Variants in IL3RA observed in about 807,000 individuals in gnomAD.
IL3RA encodes interleukin 3 receptor subunit alpha.
A neutral mutation model predicts 52.3 loss-of-function variants in IL3RA; 73 were observed. The ratio of observed to expected loss-of-function variants is 1.40; its 90% CI spans 1.16 to 1.70. The LOEUF is 1.70. IL3RA is among the 40% of genes most tolerant of loss of function. The pLI is 0.00. For synonymous variants in IL3RA, 260 were observed against 194.0 expected (o/e 1.34, Z -2.83); for missense variants, 664 against 504.4 (o/e 1.32, Z -3.03).
chrX:1,342,810 C>T (rs144745502), intron 2 of IL3RA, among the ~76,000 whole-genome samples: 3,902 of 148,276 alleles, frequency 0.026, 62 homozygotes, highest in Middle Eastern at 0.062. Context: ...CCGCCTGCCT[C>T]GGGGTTGGGA....
At chrX:1,368,670 TGAG>T (rs2088378836) in intron 9 of IL3RA, among the ~76,000 whole-genome samples, 1 of 151,406 alleles carries the variant, frequency 6.6e-6, no homozygotes, top group Non-Finnish European at 1.5e-5. Flanking sequence ...GAAGAGGAGA[TGAG>T]GACACAGACA....
intron 9 of IL3RA, among the ~76,000 whole-genome samples, chrX:1,367,359 G>C (rs867554492): frequency 6.7e-5 from 2 of 29,808 alleles, no homozygotes; most frequent in Admixed American, 3.5e-4. Flanking sequence ...CCGGGTGAGC[G>C]GGGTGCGCGG....
chrX:1,341,934 T>TTGTG, intron 2 of IL3RA, 105 bp downstream of exon 2: 2 of 1,235,104 alleles, frequency 1.6e-6, no homozygotes, highest in Non-Finnish European at 2.4e-6. Flanking sequence ...CATGCTGAGC[T>TTGTG]CATGGCAGAG....
rs1219695068 is a variant in IL3RA, at chrX:1,370,300, C to A, written c.874+5048C>A. ...GACTAAGCCATCTCATAAGAAGAGACGAGGACACAGACACACACAGAGGGA... is the reference window on the plus strand; with the variant it reads ...GACTAAGCCATCTCATAAGAAGAGAAGAGGACACAGACACACACAGAGGGA... On this transcript the variant is annotated intron_variant, in intron 9 of 11. Coordinates refer to ENST00000331035, the MANE Select transcript of IL3RA (RefSeq NM_002183.4). Among the ~76,000 whole-genome samples the A allele has an allele frequency of 2.4e-4, 2 of 8,392 alleles. 1 individual carries two copies. Among genetic ancestry groups the A allele is most frequent in the Admixed American group, 3.5e-3 (2 of 576 alleles). The allele number at this position is 8,392 out of a possible 152,430, so 5.5% of individuals were successfully genotyped here.
chrX:1,344,378 G>T (rs2085633966), intron 2 of IL3RA, among the ~76,000 whole-genome samples: 1 of 151,974 alleles, frequency 6.6e-6, no homozygotes, highest in African/African-American at 2.4e-5. Flanking sequence ...AGGTTGTAGT[G>T]AGCCGAGATC....
At chrX:1,364,706 G>A (rs2087771959) in intron 8 of IL3RA, among the ~76,000 whole-genome samples, 1 of 151,476 alleles carries the variant, frequency 6.6e-6, no homozygotes, top group Admixed American at 6.6e-5. Flanking sequence ...TCAAACTCCT[G>A]GGCTTAAGGA....
chrX:1,347,974 C>T (rs1262076349), intron 3 of IL3RA, among the ~76,000 whole-genome samples: 5 of 146,714 alleles, frequency 3.4e-5, no homozygotes, highest in Admixed American at 6.9e-5. Context: ...GAGGGAGAGG[C>T]TACAGTGAGC....
intron 4 of IL3RA, among the ~76,000 whole-genome samples, chrX:1,349,034 G>GTC (rs2085955955): frequency 6.9e-6 from 1 of 145,184 alleles, no homozygotes; most frequent in African/African-American, 2.6e-5. Flanking sequence ...TCCTGACACG[G>GTC]TCTTGCTCTG....
chrX:1,356,088 TG>T, intron 6 of IL3RA, 132 bp from the exon 7 acceptor site: 3 of 651,858 alleles, frequency 4.6e-6, no homozygotes. Context: ...TCTTCCTTCC[TG>T]GTGTTTTTCT....
chrX:1,361,269 CTCTG>C (rs200257400), intron 8 of IL3RA, among the ~76,000 whole-genome samples: 9,683 of 146,902 alleles, frequency 0.066, 1,493 homozygotes, highest in African/African-American at 0.25. Context: ...CTTTCTCTGC[CTCTG>C]TCTGTCTGTC....
intron 4 of IL3RA, among the ~76,000 whole-genome samples, chrX:1,351,325 TAG>T (rs1177759542): frequency 4.4e-5 from 5 of 114,756 alleles, no homozygotes; most frequent in Non-Finnish European, 9.1e-5. Flanking sequence ...AAAAAGGAAT[TAG>T]AGTTTTATTT....
chrX:1,344,964 C>T (rs1412510252), intron 2 of IL3RA, among the ~76,000 whole-genome samples: 7 of 147,842 alleles, frequency 4.7e-5, no homozygotes, highest in Non-Finnish European at 8.9e-5. Flanking sequence ...AGATCGAGAC[C>T]ATCCTGGCTA....
intron 3 of IL3RA, among the ~76,000 whole-genome samples, chrX:1,347,944 G>A (rs2085832004): frequency 6.6e-6 from 1 of 151,398 alleles, no homozygotes; most frequent in Non-Finnish European, 1.5e-5. Context: ...GGATGAGGCA[G>A]GAGAATGGCA....
At chrX:1,363,949 G>C (rs183291698) in intron 8 of IL3RA, among the ~76,000 whole-genome samples, 1 of 151,848 alleles carries the variant, frequency 6.6e-6, no homozygotes, top group Non-Finnish European at 1.5e-5. Flanking sequence ...TTGGGAGGCC[G>C]AGGCGGGTGG....
At chrX:1,357,868 C>T (rs1341529872) in intron 7 of IL3RA, among the ~76,000 whole-genome samples, 17 of 149,174 alleles carry the variant, frequency 1.1e-4, no homozygotes, top group Middle Eastern at 7.0e-3. Flanking sequence ...TTTGGGAGGC[C>T]GAGGCAGGAC....
At chrX:1,345,491 G>C (rs2085702355) in intron 3 of IL3RA, 57 bp downstream of exon 3, 1 of 1,203,388 alleles carries the variant, frequency 8.3e-7, no homozygotes, top group Non-Finnish European at 1.1e-6. Context: ...ATGTATTTAT[G>C]TATTTATTTA....
chrX:1,376,663 C>T (rs1454279369), intron 9 of IL3RA, among the ~76,000 whole-genome samples: 1 of 149,678 alleles, frequency 6.7e-6, no homozygotes, highest in Admixed American at 6.6e-5. Context: ...CGTCTCCAAG[C>T]CCAGGAGAGA....
intron 4 of IL3RA, among the ~76,000 whole-genome samples, chrX:1,350,079 T>C (rs2086015197): frequency 6.6e-6 from 1 of 152,150 alleles, no homozygotes; most frequent in Non-Finnish European, 1.5e-5. Flanking sequence ...TGGCAAAATT[T>C]TACAAATAGA....
rs372805068 is a variant in IL3RA at position 1,380,761 on chromosome X, A to T, written c.981-262A>T. Among the ~76,000 whole-genome samples the T allele has an allele frequency of 1.5e-4, 22 of 151,186 alleles. No homozygotes were observed. In the East Asian group the frequency reaches 2.0e-3, roughly 14 times the overall value. ...GGTCGTAAACTCAGTGACCTGAGGCACCAGGGGTCTGTCTTTGCAGCTGCA... is the reference window on the plus strand; with the variant it reads ...GGTCGTAAACTCAGTGACCTGAGGCTCCAGGGGTCTGTCTTTGCAGCTGCA... On this transcript the variant is annotated intron_variant, in intron 10 of 11. Transcript: ENST00000331035.
Sources: allele counts gnomAD v4.1 joint callset (sites outside exome capture counted in the v4.1 genomes callset), GRCh38; gene constraint gnomAD v4.1.1; transcripts MANE v1.5; gene names NCBI Gene and HGNC (gene_info 2026-07-23, HGNC 2026-07-21).